The following DIP2C variants were observed in gnomAD, a reference collection of about 807,000 sequenced individuals.
The protein encoded by DIP2C is disco-interacting protein 2 homolog C.
In DIP2C, 33 loss-of-function variants were observed where a neutral mutation model predicts 192.4. The observed-to-expected ratio is 0.17, with a 90% CI of 0.13 to 0.23. The LOEUF is 0.23. DIP2C is among the 10% of genes least tolerant of loss of function. DIP2C has a pLI of 1.00. For synonymous variants in DIP2C, 979 were observed against 864.1 expected, an observed-to-expected ratio of 1.13 and a Z score of -2.33; for missense variants, 1,537 against 2,110.1, an observed-to-expected ratio of 0.73 and a Z score of 5.32.
chr10:556,747 AAAC>A (rs902707860), intron 1 of DIP2C, among the ~76,000 whole-genome samples: 4 of 152,150 alleles, frequency 2.6e-5, no homozygotes, highest in Non-Finnish European at 5.9e-5. Context: ...ACCACATTGA[AAAC>A]AACGTTTTTT....
intron 2 of DIP2C, among the ~76,000 whole-genome samples, chr10:479,676 C>A (rs1274803766): frequency 3.3e-5 from 5 of 152,154 alleles, no homozygotes; most frequent in Admixed American, 3.3e-4. Flanking sequence ...GAGCCCAAAT[C>A]TTTGCCACAC....
intron 18 of DIP2C, among the ~76,000 whole-genome samples, chr10:367,148 T>C (rs936068248): frequency 6.6e-6 from 1 of 152,216 alleles, no homozygotes; most frequent in Non-Finnish European, 1.5e-5. Context: ...CCGGACGCGG[T>C]GGCTCACGCC....
intron 17 of DIP2C, among the ~76,000 whole-genome samples, chr10:373,103 C>T (rs890041199): frequency 6.6e-5 from 10 of 152,240 alleles, no homozygotes; most frequent in African/African-American, 1.7e-4. Flanking sequence ...TGGTGGGGCT[C>T]GGCAGGACTC....
intron 1 of DIP2C, among the ~76,000 whole-genome samples, chr10:536,781 A>G (rs747766005): frequency 1.3e-5 from 2 of 152,202 alleles, no homozygotes; most frequent in African/African-American, 2.4e-5. Flanking sequence ...TTTCCAGCAA[A>G]CAGCTTCCAC....
intron 5 of DIP2C, 70 bp downstream of exon 5, chr10:422,754 A>C (rs1347208335): frequency 6.6e-7 from 1 of 1,525,260 alleles, no homozygotes. Flanking sequence ...GCAACGATGC[A>C]AACAGAGAAT....
intron 7 of DIP2C, among the ~76,000 whole-genome samples, chr10:414,803 T>C (rs1276392736): frequency 7.1e-6 from 1 of 141,428 alleles, no homozygotes; most frequent in Non-Finnish European, 1.5e-5. Flanking sequence ...TGTATATATA[T>C]TTTGTAGAGA....
intron 1 of DIP2C, among the ~76,000 whole-genome samples, chr10:658,087 C>G (rs1856505483): frequency 6.6e-6 from 1 of 151,900 alleles, no homozygotes; most frequent in African/African-American, 2.4e-5. Flanking sequence ...GACACTGGAC[C>G]TGATGCTGGA....
chr10:588,737 T>TG (rs1851234529), intron 1 of DIP2C, among the ~76,000 whole-genome samples: 2 of 152,158 alleles, frequency 1.3e-5, no homozygotes, highest in African/African-American at 4.8e-5. Context: ...GGGTGGTGCC[T>TG]GAACTGCCCC....
intron 10 of DIP2C, among the ~76,000 whole-genome samples, chr10:392,076 C>T (rs1209605741): frequency 6.6e-6 from 1 of 152,172 alleles, no homozygotes; most frequent in Non-Finnish European, 1.5e-5. Flanking sequence ...GAACCCACTT[C>T]GGGGACATCT....
chr10:622,801 T>A (rs1853955478), intron 1 of DIP2C, among the ~76,000 whole-genome samples: 1 of 152,142 alleles, frequency 6.6e-6, no homozygotes, highest in Admixed American at 6.5e-5. Context: ...TTAAGCTCAG[T>A]CCAGTTCAAT....
At chr10:439,509 TGA>T (rs1381745683) in intron 4 of DIP2C, among the ~76,000 whole-genome samples, 1 of 152,124 alleles carries the variant, frequency 6.6e-6, no homozygotes, top group Non-Finnish European at 1.5e-5. Flanking sequence ...CCCAGGTGCT[TGA>T]GAGGCTGAAG....
At chr10:377,520 T>C (rs563979247) in intron 17 of DIP2C, among the ~76,000 whole-genome samples, 8 of 152,366 alleles carry the variant, frequency 5.3e-5, no homozygotes, top group Non-Finnish European at 8.8e-5. Flanking sequence ...AGTTAGAGAA[T>C]TGCAAAATTT....
intron 4 of DIP2C, among the ~76,000 whole-genome samples, chr10:433,591 G>A (rs1394985400): frequency 6.6e-6 from 1 of 152,194 alleles, no homozygotes. Flanking sequence ...TGAGGCAGGA[G>A]AATCACTTGA....
intron 1 of DIP2C, among the ~76,000 whole-genome samples, chr10:521,775 T>C (rs778352352): frequency 3.3e-5 from 5 of 152,196 alleles, no homozygotes; most frequent in Admixed American, 6.5e-5. Context: ...GCCTTTTCAA[T>C]AGACTTTTTA....
intron 1 of DIP2C, among the ~76,000 whole-genome samples, chr10:548,001 T>C (rs1000270530): frequency 3.9e-5 from 6 of 152,136 alleles, no homozygotes; most frequent in Non-Finnish European, 5.9e-5. Flanking sequence ...GTGAAGCCTT[T>C]TTCAGCCATC....
chr10:464,381 T>C lies in DIP2C; in HGVS notation c.268+8058A>G, dbSNP rs1447964798. On this transcript the variant is annotated intron_variant, in intron 3 of 36. Transcript: ENST00000280886. Reference sequence around the variant, plus strand: ...AAGACATTTATGTGGCCAACAAACTTAGAAAAAAAAAAAAGCTCATCATCA... The same window carrying C: ...AAGACATTTATGTGGCCAACAAACTCAGAAAAAAAAAAAAGCTCATCATCA... Among the ~76,000 whole-genome samples, 3 of 147,278 alleles carry C rather than the reference T, an allele frequency of 2.0e-5. No homozygotes were observed. In the East Asian group the frequency reaches 5.9e-4, roughly 29 times the overall value.
chr10:400,575 T>C (rs1461089062), intron 9 of DIP2C, among the ~76,000 whole-genome samples: 3 of 152,006 alleles, frequency 2.0e-5, no homozygotes, highest in Non-Finnish European at 4.4e-5. Flanking sequence ...AGCATTAGCA[T>C]TACTCTTCCT....
intron 32 of DIP2C, among the ~76,000 whole-genome samples, chr10:300,293 A>C (rs1298012245): frequency 6.6e-6 from 1 of 152,232 alleles, no homozygotes; most frequent in Non-Finnish European, 1.5e-5. Flanking sequence ...TATACGTACA[A>C]GGAAATATTA....
intron 1 of DIP2C, among the ~76,000 whole-genome samples, chr10:593,323 C>CCA: frequency 6.6e-6 from 1 of 152,126 alleles, no homozygotes; most frequent in African/African-American, 2.4e-5. Context: ...AACCCTAAGT[C>CCA]CACGTTTACC....
Sources: allele counts gnomAD v4.1 joint callset (sites outside exome capture counted in the v4.1 genomes callset), GRCh38; gene constraint gnomAD v4.1.1; transcripts MANE v1.5; gene names NCBI Gene and HGNC (gene_info 2026-07-23, HGNC 2026-07-21).